The following ARFGEF1 variants were observed in gnomAD, a reference collection of about 807,000 sequenced individuals.
The protein encoded by ARFGEF1 is ARF guanine nucleotide exchange factor 1.
ARFGEF1 carries 42 observed loss-of-function variants against 231.0 expected under a neutral mutation model. The observed-to-expected ratio is 0.18, with a 90% confidence interval of 0.14 to 0.24. The LOEUF is 0.24. Ranked by LOEUF, ARFGEF1 falls within the 10% of genes least tolerant of loss-of-function variation. The pLI, the probability that ARFGEF1 is intolerant of heterozygous loss-of-function variation, is 1.00. For missense variants in ARFGEF1, 1,345 were observed against 2,192.0 expected, an observed-to-expected ratio of 0.61 and a Z score of 7.72; for synonymous variants, 710 against 732.3, an observed-to-expected ratio of 0.97 and a Z score of 0.49.
intron 18 of ARFGEF1, among the ~76,000 whole-genome samples, chr8:67,252,712 C>G (rs1323194466): frequency 6.6e-6 from 1 of 152,084 alleles, no homozygotes. Flanking sequence ...TATAGAGTGT[C>G]TAGAAGGGGG....
At chr8:67,273,512 C>T (rs1430096841) in intron 9 of ARFGEF1, among the ~76,000 whole-genome samples, 1 of 150,632 alleles carries the variant, frequency 6.6e-6, no homozygotes, top group Non-Finnish European at 1.5e-5. Context: ...TTGATTTCCA[C>T]CTGAAAAATT....
intron 1 of ARFGEF1, among the ~76,000 whole-genome samples, chr8:67,318,884 G>GATC (rs1370247620): frequency 1.3e-5 from 2 of 152,260 alleles, no homozygotes; most frequent in East Asian, 3.9e-4. Flanking sequence ...AAGGCAGGAG[G>GATC]ATCACTTGAG....
intron 9 of ARFGEF1, among the ~76,000 whole-genome samples, chr8:67,273,482 T>C (rs1587187045): frequency 7.0e-6 from 1 of 143,740 alleles, no homozygotes; most frequent in Admixed American, 7.0e-5. Flanking sequence ...ATTTACACTA[T>C]ATAGTAAACT....
intron 7 of ARFGEF1, among the ~76,000 whole-genome samples, chr8:67,284,430 T>G (rs1280621805): frequency 3.9e-5 from 6 of 152,176 alleles, no homozygotes. Context: ...TTTTATGTAA[T>G]TTTGACTTTG....
chr8:67,201,368 C>T (rs1838322019), intron 37 of ARFGEF1, 99 bp downstream of exon 37: 3 of 1,438,762 alleles, frequency 2.1e-6, no homozygotes, highest in Non-Finnish European at 2.8e-6. Flanking sequence ...CATCCAGGCC[C>T]CAAAGCCTCA....
intron 1 of ARFGEF1, among the ~76,000 whole-genome samples, chr8:67,312,234 A>T (rs1454940978): frequency 2.8e-5 from 4 of 144,972 alleles, no homozygotes; most frequent in Non-Finnish European, 5.9e-5. Context: ...AATTATCAAT[A>T]AAAAAAAAAT....
intron 1 of ARFGEF1, among the ~76,000 whole-genome samples, chr8:67,309,989 CACT>C (rs1806921081): frequency 1.3e-5 from 2 of 152,188 alleles, no homozygotes; most frequent in Admixed American, 6.5e-5. Context: ...GCGTTGTAAC[CACT>C]AATACAAAAT....
At chr8:67,307,264 C>A (rs1045712581) in intron 1 of ARFGEF1, among the ~76,000 whole-genome samples, 3 of 152,150 alleles carry the variant, frequency 2.0e-5, no homozygotes, top group African/African-American at 7.2e-5. Context: ...TGAATAAACT[C>A]ACAAAGGAAA....
intron 32 of ARFGEF1, 96 bp downstream of exon 32, chr8:67,217,686 G>T: frequency 7.6e-7 from 1 of 1,308,918 alleles, no homozygotes; most frequent in East Asian, 2.4e-5. Context: ...TCTGTTATGA[G>T]AAATCAGTAG....
At chr8:67,252,366 G>C (rs1433454500) in intron 18 of ARFGEF1, among the ~76,000 whole-genome samples, 2 of 140,784 alleles carry the variant, frequency 1.4e-5, no homozygotes, top group African/African-American at 5.3e-5. Context: ...GAGTTAACAA[G>C]AAAACAACTG....
chr8:67,296,250 C>T (rs922624858), intron 5 of ARFGEF1, among the ~76,000 whole-genome samples, 181 bp downstream of exon 5: 1 of 152,096 alleles, frequency 6.6e-6, no homozygotes, highest in African/African-American at 2.4e-5. Flanking sequence ...AAAGTTAAGT[C>T]GGTAAACCTT....
intron 29 of ARFGEF1, among the ~76,000 whole-genome samples, chr8:67,222,190 T>TATACACACACAC (rs1308474578): frequency 1.5e-5 from 2 of 134,936 alleles, no homozygotes; most frequent in African/African-American, 6.0e-5. Context: ...CACATATATA[T>TATACACACACAC]ATATATATAT....
intron 1 of ARFGEF1, among the ~76,000 whole-genome samples, chr8:67,302,990 G>A (rs947858012): frequency 6.6e-6 from 1 of 151,960 alleles, no homozygotes; most frequent in East Asian, 1.9e-4. Context: ...TGTGGGGCAG[G>A]GGGTTGAGGT....
At chr8:67,269,656 C>A (rs1166767105) in intron 10 of ARFGEF1, among the ~76,000 whole-genome samples, 1 of 151,928 alleles carries the variant, frequency 6.6e-6, no homozygotes, top group Non-Finnish European at 1.5e-5. Context: ...CGGTGCTCAA[C>A]TCATTTATAA....
chr8:67,271,922 C>T lies in ARFGEF1; in HGVS notation c.1352G>A (p.Arg451Gln), dbSNP rs756313238. The change falls in exon 10 of 39, where the codon CGA becomes CAA. Residue 451 changes from arginine (R) to glutamine (Q), a missense_variant. Around this residue, in one of 14 missense-constraint regions of ARFGEF1, gnomAD observed 141 missense variants for 259.9 expected, o/e 0.54. Transcript: ENST00000262215. ...GPPDPKSHEL[R>Q]SKILSLQLLL... is the part of the protein sequence containing the mutation. ...TAACTGCAATGAAAGAATCTTGGAT[C>T]GTAGTTCATGAGACCTAAAATGTAA... is the stretch of plus-strand genomic sequence containing the variant. 4.4e-6 allele frequency: 7 copies of T among 1,608,936 alleles called. No individual in the cohort carries two copies. Among genetic ancestry groups the T allele is most frequent in the Non-Finnish European group, 5.9e-6 (7 of 1,178,064 alleles).
intron 6 of ARFGEF1, 58 bp from the exon 7 acceptor site, chr8:67,288,123 T>A: frequency 8.8e-7 from 1 of 1,131,554 alleles, no homozygotes; most frequent in South Asian, 1.6e-5. Flanking sequence ...AGCTTTTTAC[T>A]AAACATTTAT....
intron 14 of ARFGEF1, among the ~76,000 whole-genome samples, chr8:67,264,720 T>C (rs948955841): frequency 3.3e-5 from 5 of 152,136 alleles, no homozygotes; most frequent in Non-Finnish European, 5.9e-5. Context: ...CTGTATTAAG[T>C]AGAAAGCAAG....
intron 17 of ARFGEF1, among the ~76,000 whole-genome samples, chr8:67,254,600 A>T (rs1232413456): frequency 6.6e-6 from 1 of 152,180 alleles, no homozygotes; most frequent in African/African-American, 2.4e-5. Context: ...CTGGGGAAGG[A>T]GGATGGCACA....
rs113419141 is a variant in ARFGEF1 at position 67,203,026 on chromosome 8, G to A, written c.5128+57C>T. 1.3e-4 allele frequency: 200 copies of A among 1,544,940 alleles called. 2 individuals carry two copies. In the African/African-American group the frequency reaches 2.1e-3, roughly 16 times the overall value. ...AGTCAATGAGTTCTGAGACCTGTAT[G>A]TACCTGTCCCACATCCATCAACAGT... On this transcript the variant is annotated intron_variant, in intron 36 of 38. Coordinates refer to ENST00000262215, the MANE Select transcript of ARFGEF1 (RefSeq NM_006421.5).
Sources: gnomAD v4.1 joint callset for allele counts (sites outside exome capture counted in the v4.1 genomes callset) on GRCh38, gnomAD v4.1.1 for gene constraint, gnomAD v4.1.1 regional missense constraint, MANE v1.5 for transcripts, NCBI Gene and HGNC (gene_info 2026-07-23, HGNC 2026-07-21) for gene names.